Variants in MTMR7 observed in about 807,000 individuals in gnomAD.
MTMR7 encodes phosphatidylinositol-3-phosphate phosphatase MTMR7.
MTMR7 carries 76 observed loss-of-function variants against 81.2 expected under a neutral mutation model. The observed-to-expected ratio is 0.94, with a 90% CI of 0.78 to 1.13. The LOEUF is 1.13. MTMR7 is among the 50% of genes most tolerant of loss of function. MTMR7 has a pLI of 0.00. For missense variants in MTMR7, 1,044 were observed against 820.0 expected (o/e 1.27, Z -3.34); for synonymous variants, 372 against 289.8 (o/e 1.28, Z -2.88).
At chr8:17,404,130 T>A (rs967442154) in intron 1 of MTMR7, among the ~76,000 whole-genome samples, 5 of 152,186 alleles carry the variant, frequency 3.3e-5, no homozygotes, top group South Asian at 2.1e-4. Flanking sequence ...AAAAATAAAC[T>A]GGTGGGGGAG....
chr8:17,363,757 T>A (rs1281799101), intron 3 of MTMR7, among the ~76,000 whole-genome samples: 1 of 152,136 alleles, frequency 6.6e-6, no homozygotes, highest in Non-Finnish European at 1.5e-5. Flanking sequence ...GCCTGCAGAC[T>A]CTGCCTACTC....
chr8:17,311,919 G>T, intron 8 of MTMR7: 1 of 311,130 alleles, frequency 3.2e-6, no homozygotes, highest in South Asian at 6.1e-5. Context: ...TATGCAAACG[G>T]ACCTTCAACC....
At position 17,298,207 on chromosome 8, in the gene MTMR7, C is replaced by CTAAG. The variant is rs1191372440; in HGVS notation, c.*1651_*1654dup. ...ATGTGAAAGCCATTACCACTATATC[C>CTAAG]TAAGTTTTATTTTAGCAAGGTATTC... On this transcript the variant is annotated 3_prime_UTR_variant, in exon 14 of 14. Coordinates refer to ENST00000180173, the MANE Select transcript of MTMR7 (RefSeq NM_004686.5). The CTAAG allele has an allele frequency of 2.6e-5, 4 of 151,960 alleles. No homozygotes were observed. Among genetic ancestry groups the CTAAG allele is most frequent in the African/African-American group, 9.7e-5 (4 of 41,408 alleles). 9.4% of individuals were successfully genotyped at this position (151,960 alleles called of 1,614,324 possible).
intron 5 of MTMR7, among the ~76,000 whole-genome samples, chr8:17,343,224 C>T (rs1011931809): frequency 1.3e-5 from 2 of 151,960 alleles, no homozygotes; most frequent in South Asian, 2.1e-4. Context: ...GTCAGGAGTT[C>T]GAGACCAGCC....
chr8:17,313,323 G>T lies in MTMR7; in HGVS notation c.944C>A (p.Ala315Asp). The change falls in exon 8 of 14, where the codon GCC becomes GAC. Residue 315 changes from alanine (A) to aspartate (D), a missense_variant. Ala to Asp is a moderately radical substitution (Grantham distance 126). Coordinates refer to ENST00000180173, the MANE Select transcript of MTMR7 (RefSeq NM_004686.5). ...ENSGWLRHIKAIMDAGIFIAK... is the reference protein window; with the variant it reads ...ENSGWLRHIKDIMDAGIFIAK... ...AATGAAGATTCCTGCATCCATTATG[G>T]CTTTAATGTGCCTTAACCAGCCAGA... 1.9e-6 allele frequency: 3 copies of T among 1,612,864 alleles called. No homozygotes were observed. Among genetic ancestry groups the T allele is most frequent in the Non-Finnish European group, 2.5e-6 (3 of 1,179,072 alleles).
intron 5 of MTMR7, among the ~76,000 whole-genome samples, chr8:17,341,739 A>C (rs2285286): frequency 0.2 from 29,691 of 152,170 alleles, 5,114 homozygotes; most frequent in East Asian, 0.63. Flanking sequence ...AGAGATGTTT[A>C]GATAGGGTCT....
chr8:17,376,805 G>A (rs11985364), intron 1 of MTMR7, among the ~76,000 whole-genome samples: 3,465 of 152,114 alleles, frequency 0.023, 118 homozygotes, highest in East Asian at 0.074. Flanking sequence ...TTTACTAAGA[G>A]TTTTGATTTT....
chr8:17,320,940 A>C (rs1406870468), intron 7 of MTMR7, among the ~76,000 whole-genome samples: 3 of 152,164 alleles, frequency 2.0e-5, no homozygotes, highest in African/African-American at 7.2e-5. Context: ...CCACTGCGTG[A>C]AGTCTCAGGA....
At chr8:17,339,545 C>G (rs1280463552) in intron 6 of MTMR7, among the ~76,000 whole-genome samples, 2 of 152,190 alleles carry the variant, frequency 1.3e-5, no homozygotes, top group Non-Finnish European at 2.9e-5. Context: ...TAGTATGACA[C>G]TTTCAAGGTT....
At chr8:17,306,165 C>T (rs185310084) in intron 10 of MTMR7, among the ~76,000 whole-genome samples, 1 of 152,158 alleles carries the variant, frequency 6.6e-6, no homozygotes, top group Non-Finnish European at 1.5e-5. Flanking sequence ...AGAAGGGATG[C>T]GTTCACGTTA....
chr8:17,373,232 A>G lies in MTMR7; in HGVS notation c.33T>C (p.Asn11=). 6.2e-7 allele frequency: 1 copy of G among 1,611,168 alleles called. No individual in the cohort carries two copies. Among genetic ancestry groups the G allele is most frequent in the Non-Finnish European group, 8.5e-7 (1 of 1,178,714 alleles). ...GAGACACTCGATCTACCAAGCGGAC[A>G]TTTTCAACCTAGAGAAATCGGCATG... MEHIRTPKVE[N]VRLVDRVSPK... is the part of the protein sequence containing the mutation. Residue 11 remains asparagine, a synonymous_variant, in exon 2 of 14, where the codon AAT becomes AAC. Coordinates refer to ENST00000180173, the MANE Select transcript of MTMR7 (RefSeq NM_004686.5).
intron 3 of MTMR7, among the ~76,000 whole-genome samples, chr8:17,361,539 T>C (rs888968953): frequency 2.0e-5 from 3 of 152,216 alleles, no homozygotes; most frequent in Non-Finnish European, 2.9e-5. Flanking sequence ...TTTTGTGCTT[T>C]TTTTGTTGTT....
Position 17,348,984 on chromosome 8 carries a change from G to A in MTMR7, c.566C>T (p.Pro189Leu), listed in dbSNP as rs372780967. Residue 189 changes from proline to leucine, a missense_variant, in exon 5 of 14, where the codon CCT becomes CTT. Coordinates refer to ENST00000180173, the MANE Select transcript of MTMR7 (RefSeq NM_004686.5). ...SSKFRSRRRFPVLSYYYKDNH... is the reference protein window; with the variant it reads ...SSKFRSRRRFLVLSYYYKDNH... ...ATCTTTATAATAGTAAGAAAGGACA[G>A]GAAATCGCCGTCTACTCCGGAATTT... is the stretch of plus-strand genomic sequence containing the variant. 47 of 1,613,488 alleles carry A rather than the reference G, an allele frequency of 2.9e-5. No individual in the cohort carries two copies. Among genetic ancestry groups the A allele is most frequent in the Non-Finnish European group, 3.9e-5 (46 of 1,179,976 alleles).
At chr8:17,347,630 A>C (rs2150546964) in intron 5 of MTMR7, among the ~76,000 whole-genome samples, 1 of 152,316 alleles carries the variant, frequency 6.6e-6, no homozygotes, top group South Asian at 2.1e-4. Flanking sequence ...GCTAGAACCA[A>C]AGAACATTTT....
intron 5 of MTMR7, among the ~76,000 whole-genome samples, chr8:17,347,387 T>C (rs372581382): frequency 3.4e-4 from 52 of 152,250 alleles, no homozygotes; most frequent in African/African-American, 1.2e-3. Flanking sequence ...AAATTAATAT[T>C]TTCCTTCAAA....
intron 1 of MTMR7, among the ~76,000 whole-genome samples, chr8:17,412,226 C>T (rs1821754638): frequency 6.6e-6 from 1 of 152,136 alleles, no homozygotes; most frequent in Admixed American, 6.5e-5. Context: ...GGAACTATTC[C>T]AAAATTTAGG....
At chr8:17,339,436 C>T (rs1159784922) in intron 6 of MTMR7, among the ~76,000 whole-genome samples, 2 of 152,204 alleles carry the variant, frequency 1.3e-5, no homozygotes, top group East Asian at 3.9e-4. Context: ...ATTTCTCTCC[C>T]TTCCCCCAGC....
At chr8:17,303,288 G>T (rs1294619877) in intron 12 of MTMR7, among the ~76,000 whole-genome samples, 1 of 152,086 alleles carries the variant, frequency 6.6e-6, no homozygotes, top group Non-Finnish European at 1.5e-5. Flanking sequence ...GCACTATGGA[G>T]GCTTTTGTTT....
Position 17,311,614 on chromosome 8 carries a change from C to A in MTMR7, c.998G>T (p.Ser333Ile). The A allele has an allele frequency of 6.2e-7, 1 of 1,614,156 alleles. No homozygotes were observed. The highest frequency in any genetic ancestry group is 1.1e-5 in the South Asian group (1 of 91,082). ...IAKAVSEEGA[S>I]VLVHCSDGWD... ...GCCATCAGAACAGTGAACAAGCACA[C>A]TTGCCCCTTCCTCTGACACTGCCTA... The change falls in exon 9 of 14, where the codon AGT (serine) becomes ATT (isoleucine). Residue 333 changes from serine (S) to isoleucine (I), a missense_variant. Transcript: ENST00000180173.
Sources: gnomAD v4.1 joint callset for allele counts (sites outside exome capture counted in the v4.1 genomes callset) on GRCh38, gnomAD v4.1.1 for gene constraint, MANE v1.5 for transcripts, NCBI Gene and HGNC (gene_info 2026-07-23, HGNC 2026-07-21) for gene names.